LSAMP: variants seen among roughly 807,000 people sequenced by gnomAD.
LSAMP encodes limbic system-associated membrane protein.
In LSAMP, 7 loss-of-function variants were observed where a neutral mutation model predicts 38.6. The observed-to-expected ratio is 0.18, with a 90% confidence interval of 0.10 to 0.34. LSAMP has a LOEUF of 0.34. Among genes scored for constraint, LSAMP ranks in the 10% least tolerant of loss-of-function variants. The probability of loss-of-function intolerance (pLI) is 1.00; values close to 1 mark genes in which losing one functional copy is unlikely to be tolerated. For synonymous variants in LSAMP, 154 were observed against 166.8 expected (o/e 0.92, Z 0.59); for missense variants, 313 against 420.0 (o/e 0.75, Z 2.23).
intron 1 of LSAMP, among the ~76,000 whole-genome samples, chr3:116,233,412 C>CAAAAAAAAAA (rs3028677): frequency 1.4e-5 from 1 of 70,046 alleles, no homozygotes; most frequent in Non-Finnish European, 2.4e-5. Context: ...GACTCTGTCT[C>CAAAAAAAAAA]AAAAAAAAAA....
chr3:115,852,267 C>T (rs1935356734), intron 4 of LSAMP, among the ~76,000 whole-genome samples: 2 of 152,172 alleles, frequency 1.3e-5, no homozygotes, highest in Non-Finnish European at 2.9e-5. Flanking sequence ...GAAAAGGGTA[C>T]TGTTAAATGT....
At chr3:116,285,537 G>GT (rs1230982774) in intron 1 of LSAMP, among the ~76,000 whole-genome samples, 1 of 136,424 alleles carries the variant, frequency 7.3e-6, no homozygotes, top group African/African-American at 3.4e-5. Context: ...TGAGAAATGT[G>GT]TATTTTTTTT....
intron 3 of LSAMP, among the ~76,000 whole-genome samples, chr3:115,886,840 T>C (rs1251328624): frequency 1.3e-5 from 2 of 151,994 alleles, no homozygotes; most frequent in Non-Finnish European, 2.9e-5. Context: ...ATTTTGGAAA[T>C]TGGAAACCAC....
At chr3:115,854,276 ATT>A (rs1935428442) in intron 3 of LSAMP, among the ~76,000 whole-genome samples, 1 of 119,604 alleles carries the variant, frequency 8.4e-6, no homozygotes, top group Non-Finnish European at 1.7e-5. Context: ...TATTATTATT[ATT>A]ATTATTTTTT....
intron 4 of LSAMP, among the ~76,000 whole-genome samples, chr3:115,848,131 A>G (rs1025909035): frequency 2.6e-5 from 4 of 152,262 alleles, no homozygotes; most frequent in Non-Finnish European, 4.4e-5. Flanking sequence ...AGGTGTAACT[A>G]TGAAAAGCTA....
chr3:116,260,062 A>T (rs1348665753), intron 1 of LSAMP, among the ~76,000 whole-genome samples: 2 of 152,072 alleles, frequency 1.3e-5, no homozygotes, highest in East Asian at 3.9e-4. Flanking sequence ...CATTTCCAAG[A>T]TTTGGTATTT....
intron 1 of LSAMP, among the ~76,000 whole-genome samples, chr3:116,162,892 C>A (rs935148041): frequency 1.3e-5 from 2 of 151,566 alleles, no homozygotes; most frequent in African/African-American, 4.9e-5. Flanking sequence ...CTTTGTTCTC[C>A]CTCTCAAGGT....
intron 3 of LSAMP, among the ~76,000 whole-genome samples, chr3:115,919,675 G>A (rs955033208): frequency 3.9e-5 from 6 of 152,098 alleles, no homozygotes; most frequent in Non-Finnish European, 5.9e-5. Flanking sequence ...GCAGTGGCGC[G>A]ATCTTGGCTC....
intron 2 of LSAMP, among the ~76,000 whole-genome samples, chr3:116,071,969 T>C (rs1445518354): frequency 6.6e-6 from 1 of 150,984 alleles, no homozygotes; most frequent in Non-Finnish European, 1.5e-5. Context: ...ATGGTGTATA[T>C]GTAGCTTTTT....
chr3:115,886,894 G>A (rs1286059920), intron 3 of LSAMP, among the ~76,000 whole-genome samples: 1 of 151,920 alleles, frequency 6.6e-6, no homozygotes, highest in African/African-American at 2.4e-5. Flanking sequence ...ATGGTTGAGT[G>A]TTTCATTGCT....
intron 2 of LSAMP, among the ~76,000 whole-genome samples, chr3:116,078,570 C>T (rs1221913286): frequency 6.6e-6 from 1 of 152,156 alleles, no homozygotes; most frequent in African/African-American, 2.4e-5. Flanking sequence ...TTGTGATCCA[C>T]CCGCCTCGGC....
chr3:115,842,612 G>C, intron 4 of LSAMP, 34 bp from the exon 5 acceptor site: 4 of 1,609,324 alleles, frequency 2.5e-6, no homozygotes, highest in South Asian at 1.1e-5. Flanking sequence ...GTTTACATGA[G>C]GGTCGGGGTG....
intron 1 of LSAMP, among the ~76,000 whole-genome samples, chr3:116,352,281 A>G (rs1265898442): frequency 1.3e-5 from 2 of 152,120 alleles, no homozygotes; most frequent in African/African-American, 4.8e-5. Flanking sequence ...AGCGGAGAGC[A>G]AAGTTCTAAA....
chr3:116,294,970 A>G (rs1461129), intron 1 of LSAMP, among the ~76,000 whole-genome samples: 5,636 of 152,344 alleles, frequency 0.037, 134 homozygotes, highest in Middle Eastern at 0.068. Flanking sequence ...CCAAAGTTCA[A>G]TTAAAACTCA....
chr3:116,377,520 G>T (rs1489319534), intron 1 of LSAMP, among the ~76,000 whole-genome samples: 2 of 151,832 alleles, frequency 1.3e-5, no homozygotes, highest in Non-Finnish European at 2.9e-5. Flanking sequence ...TTGCTATTTT[G>T]AATAGTGCTG....
chr3:116,081,984 A>G (rs1707881687), intron 2 of LSAMP, among the ~76,000 whole-genome samples: 1 of 152,222 alleles, frequency 6.6e-6, no homozygotes, highest in Non-Finnish European at 1.5e-5. Context: ...CAACTTAACA[A>G]TTAGGCAGTA....
At chr3:116,091,124 G>C (rs1004903708) in intron 1 of LSAMP, among the ~76,000 whole-genome samples, 8 of 152,200 alleles carry the variant, frequency 5.3e-5, no homozygotes, top group African/African-American at 1.9e-4. Flanking sequence ...CTACCCCCAG[G>C]TGCGCATTCT....
chr3:116,014,465 C>T (rs988682374), intron 3 of LSAMP, among the ~76,000 whole-genome samples: 1 of 151,898 alleles, frequency 6.6e-6, no homozygotes, highest in African/African-American at 2.4e-5. Flanking sequence ...ATTTTCTCCT[C>T]TTTTAAAATA....
At chr3:116,027,744 A>G (rs1307019503) in intron 2 of LSAMP, among the ~76,000 whole-genome samples, 1 of 152,174 alleles carries the variant, frequency 6.6e-6, no homozygotes, top group Non-Finnish European at 1.5e-5. Context: ...GAATGTTTTA[A>G]TGCCTTTATA....
Sources: gnomAD v4.1 joint callset for allele counts (sites outside exome capture counted in the v4.1 genomes callset) on GRCh38, gnomAD v4.1.1 for gene constraint, MANE v1.5 for transcripts, NCBI Gene and HGNC (gene_info 2026-07-23, HGNC 2026-07-21) for gene names.